Variants in LARGE1 observed in about 807,000 individuals in gnomAD.
LARGE1 encodes the protein LARGE xylosyl- and glucuronyltransferase 1, also known as xylosyl- and glucuronyltransferase LARGE1.
Under a neutral mutation model 87.6 loss-of-function variants are expected in LARGE1, and 43 were observed. The ratio of observed to expected loss-of-function variants is 0.49; its 90% CI spans 0.38 to 0.63. The LOEUF (loss-of-function observed/expected upper bound fraction) is 0.63, where lower values mean the gene tolerates loss of function less well. Ranked by LOEUF, LARGE1 falls within the 30% of genes least tolerant of loss-of-function variation. The pLI, the probability that LARGE1 is intolerant of heterozygous loss-of-function variation, is 0.00. For missense variants in LARGE1, 802 were observed against 1,000.2 expected, an observed-to-expected ratio of 0.80 and a Z score of 2.67; for synonymous variants, 434 against 394.6, an observed-to-expected ratio of 1.10 and a Z score of -1.18.
chr22:33,890,985 T>C (rs1187733714), intron 1 of LARGE1, among the ~76,000 whole-genome samples: 1 of 151,928 alleles, frequency 6.6e-6, no homozygotes, highest in Non-Finnish European at 1.5e-5. Flanking sequence ...AGCAGCTACC[T>C]GTCCCCGAAG....
At chr22:33,784,963 A>G (rs887790441) in intron 1 of LARGE1, among the ~76,000 whole-genome samples, 1 of 151,308 alleles carries the variant, frequency 6.6e-6, no homozygotes, top group Non-Finnish European at 1.5e-5. Flanking sequence ...GTACATGGGT[A>G]TATACATGTG....
intron 2 of LARGE1, among the ~76,000 whole-genome samples, chr22:33,691,404 G>A (rs556530218): frequency 4.1e-4 from 63 of 152,208 alleles, no homozygotes; most frequent in Admixed American, 3.3e-3. Context: ...CCATGCACAC[G>A]ACATTGATCA....
intron 6 of LARGE1, among the ~76,000 whole-genome samples, chr22:33,528,400 G>A (rs1397684175): frequency 6.6e-6 from 1 of 152,166 alleles, no homozygotes; most frequent in Non-Finnish European, 1.5e-5. Context: ...TAAGCTATAG[G>A]AGGAGTCATG....
At position 33,361,283 on chromosome 22, in the gene LARGE1, C is replaced by G. The variant is rs150832161; in HGVS notation, c.1131+20636G>C. ...TGGTTCTGGTTTGCTGTCTCTGGGT[C>G]TCTTCTTCAGCCTCTTGGAGCTGAT... On this transcript the variant is annotated intron_variant, in intron 9 of 14. Transcript: ENST00000397394. Among the ~76,000 whole-genome samples the G allele has an allele frequency of 2.4e-4, 36 of 149,670 alleles. 1 individual carries two copies. The highest frequency in any genetic ancestry group is 8.8e-4 in the African/African-American group (36 of 40,784).
intron 2 of LARGE1, among the ~76,000 whole-genome samples, chr22:33,698,554 C>T (rs963985283): frequency 6.6e-6 from 1 of 152,234 alleles, no homozygotes. Context: ...AAGCGATCTG[C>T]CCGCCTTAGC....
intron 1 of LARGE1, among the ~76,000 whole-genome samples, chr22:33,862,665 G>C (rs1297510004): frequency 2.0e-5 from 3 of 152,166 alleles, no homozygotes. Flanking sequence ...GATAGGCCTG[G>C]GTTCAAATCC....
chr22:33,141,941 G>C, the LARGE1 span, among the ~76,000 whole-genome samples: 1 of 152,130 alleles, frequency 6.6e-6, no homozygotes, highest in South Asian at 2.1e-4. Flanking sequence ...CTAGTAGATT[G>C]TAACAATTTT....
intron 2 of LARGE1, among the ~76,000 whole-genome samples, chr22:33,702,374 C>T (rs934099169): frequency 6.6e-6 from 1 of 152,116 alleles, no homozygotes; most frequent in Non-Finnish European, 1.5e-5. Context: ...CCAGTAGGGA[C>T]ATTATTTAGA....
At chr22:33,219,079 C>T (rs1166418276) in intron 11 of LARGE1, among the ~76,000 whole-genome samples, 2 of 152,164 alleles carry the variant, frequency 1.3e-5, no homozygotes, top group Admixed American at 1.3e-4. Context: ...ACCAATCAAC[C>T]AGGAATATCC....
the LARGE1 span, among the ~76,000 whole-genome samples, chr22:33,073,518 A>T: frequency 2.0e-5 from 3 of 152,010 alleles, no homozygotes; most frequent in East Asian, 1.9e-4. Context: ...CTCCTCCTTA[A>T]CCTTTCCCTC....
chr22:33,738,494 T>C (rs757736822), intron 2 of LARGE1, among the ~76,000 whole-genome samples: 6 of 152,134 alleles, frequency 3.9e-5, no homozygotes, highest in Admixed American at 6.5e-5. Flanking sequence ...GGGGGAATAG[T>C]GTCCATCTGG....
At chr22:33,373,134 T>C (rs1466606210) in intron 9 of LARGE1, among the ~76,000 whole-genome samples, 1 of 152,142 alleles carries the variant, frequency 6.6e-6, no homozygotes, top group Non-Finnish European at 1.5e-5. Context: ...ATAAAAGAAA[T>C]TGTGGGTGTG....
chr22:33,797,391 G>T (rs1180499569), intron 1 of LARGE1, among the ~76,000 whole-genome samples: 1 of 152,122 alleles, frequency 6.6e-6, no homozygotes, highest in African/African-American at 2.4e-5. Flanking sequence ...GTCTGGGTCT[G>T]GGGAGGTATC....
intron 5 of LARGE1, among the ~76,000 whole-genome samples, chr22:33,582,506 T>C (rs577647774): frequency 1.3e-5 from 2 of 152,272 alleles, no homozygotes; most frequent in South Asian, 2.1e-4. Flanking sequence ...GACTTATACA[T>C]GAAAGAATAT....
intron 6 of LARGE1, among the ~76,000 whole-genome samples, chr22:33,516,983 T>C (rs566876206): frequency 9.3e-4 from 142 of 152,282 alleles, no homozygotes; most frequent in African/African-American, 3.4e-3. Flanking sequence ...ACTATAGCCT[T>C]AAAAGGCAAA....
At chr22:33,683,719 A>T (rs923284905) in intron 2 of LARGE1, among the ~76,000 whole-genome samples, 3 of 152,130 alleles carry the variant, frequency 2.0e-5, no homozygotes, top group Admixed American at 6.5e-5. Flanking sequence ...TAGGCAATAT[A>T]CCCAAAGACA....
At chr22:33,407,783 T>TG (rs1372537442) in intron 7 of LARGE1, among the ~76,000 whole-genome samples, 2 of 152,180 alleles carry the variant, frequency 1.3e-5, no homozygotes, top group Non-Finnish European at 2.9e-5. Flanking sequence ...TATGTATCTT[T>TG]GGCTTTGGAA....
chr22:33,433,607 CAAAAAAAAAAAA>C (rs57605083), intron 6 of LARGE1, among the ~76,000 whole-genome samples: 10 of 88,262 alleles, frequency 1.1e-4, no homozygotes, highest in Non-Finnish European at 1.6e-4. Context: ...AAAAACAAAA[CAAAAAAAAAAAA>C]AAAAAAAAAA....
chr22:33,198,629 A>G (rs1294121731), intron 11 of LARGE1, among the ~76,000 whole-genome samples: 1 of 129,540 alleles, frequency 7.7e-6, no homozygotes, highest in East Asian at 2.1e-4. Flanking sequence ...GTATATATAT[A>G]CACCGTGACA....
Sources: gnomAD v4.1 joint callset for allele counts (sites outside exome capture counted in the v4.1 genomes callset) on GRCh38, gnomAD v4.1.1 for gene constraint, MANE v1.5 for transcripts, NCBI Gene and HGNC (gene_info 2026-07-23, HGNC 2026-07-21) for gene names.